ZNF438: variants seen among roughly 807,000 people sequenced by gnomAD.
ZNF438 encodes the protein zinc finger protein 438.
In ZNF438, 25 loss-of-function variants were observed where a neutral mutation model predicts 38.0. The observed-to-expected ratio is 0.66, with a 90% CI of 0.48 to 0.92. ZNF438 has a LOEUF of 0.92. Ranked by LOEUF, ZNF438 falls within the 40% of genes least tolerant of loss-of-function variation. The probability of loss-of-function intolerance (pLI) is 0.00; values close to 1 mark genes in which losing one functional copy is unlikely to be tolerated. For synonymous variants in ZNF438, 372 were observed against 364.1 expected (o/e 1.02, Z -0.25); for missense variants, 1,007 against 999.6 (o/e 1.01, Z -0.10).
intron 1 of ZNF438, among the ~76,000 whole-genome samples, chr10:30,956,195 T>C (rs919324664): frequency 1.3e-5 from 2 of 152,200 alleles, no homozygotes; most frequent in African/African-American, 4.8e-5. Context: ...AGACCCTTTA[T>C]GGTACTCTAC....
intron 1 of ZNF438, among the ~76,000 whole-genome samples, chr10:30,965,514 G>A (rs976134021): frequency 6.6e-6 from 1 of 152,054 alleles, no homozygotes; most frequent in Non-Finnish European, 1.5e-5. Flanking sequence ...CAAAGACATG[G>A]AATCAACCAA....
chr10:30,852,184 A>T (rs1289739506), intron 4 of ZNF438, among the ~76,000 whole-genome samples: 1 of 151,652 alleles, frequency 6.6e-6, no homozygotes, highest in Non-Finnish European at 1.5e-5. Flanking sequence ...AAAGAAAAGA[A>T]AATGTAACAT....
intron 3 of ZNF438, among the ~76,000 whole-genome samples, chr10:30,903,649 T>G (rs1441268731): frequency 6.6e-6 from 1 of 152,144 alleles, no homozygotes; most frequent in Non-Finnish European, 1.5e-5. Flanking sequence ...GACTTTTGCT[T>G]GTGTTTATTA....
intron 3 of ZNF438, among the ~76,000 whole-genome samples, chr10:30,881,432 G>C (rs1050438473): frequency 6.6e-6 from 1 of 151,978 alleles, no homozygotes; most frequent in African/African-American, 2.4e-5. Flanking sequence ...CAAAGTATGT[G>C]AAAGACCTAT....
Position 30,845,130 on chromosome 10 carries a change from T to C in ZNF438, c.2318A>G (p.His773Arg), listed in dbSNP as rs1445270564. 2.5e-6 allele frequency: 4 copies of C among 1,614,090 alleles called. No homozygotes were observed. In the African/African-American group the frequency reaches 5.3e-5, roughly 22 times the overall value. ...ACAAAGCAGGCAGTTAAAGCCTGAA[T>C]GGGACCACAAGAGAAACGTGTGGAG... Residue 773 changes from histidine (H) to arginine (R), a missense_variant, in exon 6 of 6, where the codon CAT becomes CGT. By Grantham distance (29) the His-to-Arg change is conservative (BLOSUM62 0). Transcript: ENST00000413025.
chr10:30,928,871 A>T (rs10763852), intron 2 of ZNF438, among the ~76,000 whole-genome samples: 63,600 of 151,918 alleles, frequency 0.42, 13,636 homozygotes, highest in East Asian at 0.47. Flanking sequence ...TTTCAGCTGA[A>T]CATCTGTTTT....
intron 1 of ZNF438, among the ~76,000 whole-genome samples, chr10:31,019,928 T>A (rs1291767891): frequency 2.0e-5 from 3 of 152,138 alleles, no homozygotes; most frequent in African/African-American, 4.8e-5. Context: ...AAAATGCAAA[T>A]TAAAATTTGA....
At chr10:30,976,985 T>C (rs1048402554) in intron 1 of ZNF438, among the ~76,000 whole-genome samples, 5 of 152,142 alleles carry the variant, frequency 3.3e-5, no homozygotes, top group Non-Finnish European at 5.9e-5. Flanking sequence ...AGAAAACTTC[T>C]TTAAAAAGGT....
chr10:30,937,621 A>AG (rs1328961060), intron 2 of ZNF438, among the ~76,000 whole-genome samples: 1 of 152,216 alleles, frequency 6.6e-6, no homozygotes, highest in Non-Finnish European at 1.5e-5. Flanking sequence ...AGGCTGAATG[A>AG]GTAAAGAGAT....
chr10:30,901,325 C>T (rs537645137), intron 3 of ZNF438, among the ~76,000 whole-genome samples: 4 of 152,260 alleles, frequency 2.6e-5, no homozygotes, highest in East Asian at 1.9e-4. Context: ...GCTTTGTGTC[C>T]GGAATTGGTG....
At chr10:30,868,587 C>T (rs952949913) in intron 4 of ZNF438, among the ~76,000 whole-genome samples, 2 of 152,076 alleles carry the variant, frequency 1.3e-5, no homozygotes, top group Admixed American at 1.3e-4. Flanking sequence ...ATTCCTATTG[C>T]TATTAGATTT....
At position 30,946,738 on chromosome 10, in the gene ZNF438, A is replaced by C. The variant is rs375946989; in HGVS notation, c.-191-5087T>G. Among the ~76,000 whole-genome samples, 5 of 152,292 alleles carry C rather than the reference A, an allele frequency of 3.3e-5. No individual in the cohort carries two copies. In the East Asian group the frequency reaches 7.7e-4, roughly 23 times the overall value. ...TTAATGTAATTATTTATATGGTTGGATCTGAATGAATTATCTTGTTATTTC... is the reference window on the plus strand; with the variant it reads ...TTAATGTAATTATTTATATGGTTGGCTCTGAATGAATTATCTTGTTATTTC... On this transcript the variant is annotated intron_variant, in intron 1 of 5. Coordinates refer to ENST00000413025, the Ensembl canonical transcript of ZNF438.
intron 1 of ZNF438, among the ~76,000 whole-genome samples, chr10:30,994,044 T>C (rs1338314047): frequency 6.6e-6 from 1 of 152,254 alleles, no homozygotes; most frequent in Non-Finnish European, 1.5e-5. Flanking sequence ...TCCACCACTA[T>C]ATTTTGGAAG....
chr10:30,929,290 G>A (rs550763976), intron 2 of ZNF438, among the ~76,000 whole-genome samples: 7 of 152,302 alleles, frequency 4.6e-5, no homozygotes, highest in African/African-American at 7.2e-5. Context: ...TCGTGTGTTC[G>A]GAGTTTGTTC....
chr10:30,967,217 CA>C (rs1241834285), intron 1 of ZNF438, among the ~76,000 whole-genome samples: 1 of 151,930 alleles, frequency 6.6e-6, no homozygotes, highest in Non-Finnish European at 1.5e-5. Context: ...GCCTTTTTGC[CA>C]ACCACAAAAA....
chr10:30,916,221 A>T (rs2043615700), intron 2 of ZNF438, among the ~76,000 whole-genome samples: 1 of 152,094 alleles, frequency 6.6e-6, no homozygotes, highest in Non-Finnish European at 1.5e-5. Flanking sequence ...TTTGATAAAC[A>T]CTTGAATGAC....
intron 5 of ZNF438, 29 bp from the exon 7 acceptor site, chr10:30,845,602 G>A (rs1231268742): frequency 1.5e-5 from 23 of 1,578,890 alleles, no homozygotes; most frequent in Middle Eastern, 1.7e-4. Flanking sequence ...ATGAAGATAA[G>A]ATTTCATGGA....
intron 1 of ZNF438, among the ~76,000 whole-genome samples, chr10:30,953,032 G>T (rs1297428229): frequency 8.0e-5 from 9 of 112,684 alleles, no homozygotes; most frequent in Admixed American, 6.1e-4. Flanking sequence ...ACTGGATTAA[G>T]AAAATGTGGC....
chr10:30,949,808 A>T (rs1226757581), intron 1 of ZNF438, among the ~76,000 whole-genome samples: 1 of 151,706 alleles, frequency 6.6e-6, no homozygotes, highest in African/African-American at 2.4e-5. Flanking sequence ...GGAGACTTTA[A>T]CACCCCACTG....
Sources: gnomAD v4.1 joint callset for allele counts (sites outside exome capture counted in the v4.1 genomes callset) on GRCh38, gnomAD v4.1.1 for gene constraint, MANE v1.5 for transcripts, NCBI Gene and HGNC (gene_info 2026-07-23, HGNC 2026-07-21) for gene names.